Variants in CA9 observed in about 807,000 individuals in gnomAD.
CA9 encodes CA-IX.
In CA9, 43 loss-of-function variants were observed where a neutral mutation model predicts 51.8. That is an observed-to-expected ratio of 0.83 (90% CI 0.65 to 1.07). CA9 has a LOEUF of 1.07. Among genes scored for constraint, CA9 ranks in the 50% least tolerant of loss-of-function variants. The pLI, the probability that CA9 is intolerant of heterozygous loss-of-function variation, is 0.00. For missense variants in CA9, 574 were observed against 581.4 expected, an observed-to-expected ratio of 0.99 and a Z score of 0.13; for synonymous variants, 253 against 244.2, an observed-to-expected ratio of 1.04 and a Z score of -0.34.
intron 7 of CA9, 47 bp downstream of exon 7, chr9:35,679,389 A>G (rs753749147): frequency 3.2e-6 from 5 of 1,573,742 alleles, no homozygotes; most frequent in Non-Finnish European, 4.3e-6. Context: ...GGGAAAGAGG[A>G]TGTAAGATGA....
chr9:35,680,605 C>A, intron 9 of CA9, 148 bp from the exon 10 acceptor site: 1 of 656,774 alleles, frequency 1.5e-6, no homozygotes, highest in Admixed American at 2.6e-5. Flanking sequence ...CCACCCTCAT[C>A]CCTTGGCTGG....
intron 4 of CA9, 23 bp from the exon 5 acceptor site, chr9:35,676,274 T>C: frequency 6.2e-7 from 1 of 1,613,994 alleles, no homozygotes; most frequent in Non-Finnish European, 8.5e-7. Flanking sequence ...CGTGGCCCTC[T>C]CCTACCCTCG....
intron 6 of CA9, 55 bp downstream of exon 6, chr9:35,677,911 C>T: frequency 6.7e-7 from 1 of 1,487,776 alleles, no homozygotes; most frequent in Non-Finnish European, 9.4e-7. Flanking sequence ...AAAGAATCAC[C>T]CTTTGGAGCT....
intron 6 of CA9, among the ~76,000 whole-genome samples, chr9:35,678,610 T>C (rs142252480): frequency 6.6e-6 from 1 of 152,190 alleles, no homozygotes; most frequent in East Asian, 1.9e-4. Context: ...TAGGTAGAAC[T>C]CTGCCTTTGC....
At chr9:35,677,010 G>GC (rs1236060117) in intron 5 of CA9, among the ~76,000 whole-genome samples, 2 of 152,082 alleles carry the variant, frequency 1.3e-5, no homozygotes, top group African/African-American at 4.8e-5. Flanking sequence ...GTGCCACCAT[G>GC]CCCAGCTAAT....
At chr9:35,677,877 A>C in intron 6 of CA9, 21 bp downstream of exon 6, 1 of 1,609,202 alleles carries the variant, frequency 6.2e-7, no homozygotes, top group Non-Finnish European at 8.5e-7. Flanking sequence ...TGGTCTGGCC[A>C]CTAATCTCTG....
At position 35,681,003 on chromosome 9, in the gene CA9, A is replaced by AGGTAGCC. The variant is rs1376829997; in HGVS notation, c.1360_1366dup (p.Glu456GlyfsTer15). On this transcript the variant is annotated frameshift_variant, in exon 11 of 11. Transcript: ENST00000378357. LOFTEE classifies it high-confidence loss of function. Reference sequence around the variant, plus strand: ...GGGGGTGTGAGCTACCGCCCAGCAGAGGTAGCCGAGACTGGAGCCTAGAGG... The same window carrying AGGTAGCC: ...GGGGGTGTGAGCTACCGCCCAGCAGAGGTAGCCGGTAGCCGAGACTGGAGCCTAGAGG... 1.2e-5 allele frequency: 19 copies of AGGTAGCC among 1,613,854 alleles called. No homozygotes were observed. Among genetic ancestry groups the AGGTAGCC allele is most frequent in the Non-Finnish European group, 1.5e-5 (18 of 1,179,994 alleles).
chr9:35,680,682 G>A (rs1025198323), intron 9 of CA9, 71 bp from the exon 10 acceptor site: 5 of 1,275,486 alleles, frequency 3.9e-6, no homozygotes, highest in Non-Finnish European at 5.7e-6. Flanking sequence ...GGAGTGCACT[G>A]AGGCAGGTGT....
At chr9:35,676,411 C>T in intron 5 of CA9, 22 bp downstream of exon 5, 1 of 1,574,586 alleles carries the variant, frequency 6.4e-7, no homozygotes, top group Non-Finnish European at 8.7e-7. Context: ...TGGACACCCC[C>T]TACTCCCCGC....
chr9:35,674,484 T>C, intron 1 of CA9, 122 bp downstream of exon 1: 1 of 846,250 alleles, frequency 1.2e-6, no homozygotes, highest in Non-Finnish European at 1.8e-6. Flanking sequence ...CAGAAGCCCT[T>C]CCAGAGGTCC....
Position 35,679,330 on chromosome 9 carries a change from G to C in CA9, c.1053G>C (p.Leu351=). Residue 351 remains leucine (L), a synonymous_variant, in exon 7 of 11, where the codon CTG becomes CTC. Coordinates refer to ENST00000378357, the MANE Select transcript of CA9 (RefSeq NM_001216.3). The part of the protein sequence containing the change: ...IWTVFNQTVM[L]SAKQLHTLSD... ...CTGTGTTTAACCAGACAGTGATGCT[G>C]AGTGCTAAGCAGGTGGGCCTGGGGT... 6.2e-7 allele frequency: 1 copy of C among 1,613,796 alleles called. No homozygotes were observed. Among genetic ancestry groups the C allele is most frequent in the Non-Finnish European group, 8.5e-7 (1 of 1,179,874 alleles).
intron 5 of CA9, among the ~76,000 whole-genome samples, chr9:35,677,531 G>C (rs1002949113): frequency 6.6e-6 from 1 of 151,976 alleles, no homozygotes; most frequent in African/African-American, 2.4e-5. Context: ...TTGAAAACCA[G>C]TCCACCAAGC....
Position 35,674,157 on chromosome 9 carries a change from C to T in CA9, c.198C>T (p.Pro66=). 6.2e-7 allele frequency: 1 copy of T among 1,614,104 alleles called. No individual in the cohort carries two copies. The highest frequency in any genetic ancestry group is 8.5e-7 in the Non-Finnish European group (1 of 1,179,992). Residue 66 remains proline (P), a synonymous_variant, in exon 1 of 11, where the codon CCC becomes CCT. Transcript: ENST00000378357. ...ACCCACTGGGCGAGGAGGATCTGCCCAGTGAAGAGGATTCACCCAGAGAGG... is the reference window on the plus strand; with the variant it reads ...ACCCACTGGGCGAGGAGGATCTGCCTAGTGAAGAGGATTCACCCAGAGAGG... ...EDDPLGEEDL[P]SEEDSPREED... is the part of the protein sequence containing the mutation.
In CA9 at chr9:35,680,993, C is replaced by T. The variant is rs768797184; in HGVS notation, c.1348C>T (p.Arg450Cys). The T allele has an allele frequency of 4.3e-6, 7 of 1,613,866 alleles. No homozygotes were observed. Among genetic ancestry groups the T allele is most frequent in the East Asian group, 2.2e-5 (1 of 44,896 alleles). The change falls in exon 11 of 11, where the codon CGC becomes TGC. Residue 450 changes from arginine (R) to cysteine (C), a missense_variant. Arg to Cys is a radical substitution (Grantham distance 180). Coordinates refer to ENST00000378357, the MANE Select transcript of CA9 (RefSeq NM_001216.3). ...GGGAACCAAAGGGGGTGTGAGCTAC[C>T]GCCCAGCAGAGGTAGCCGAGACTGG... ...RRGTKGGVSYRPAEVAETGA is the reference protein window; with the variant it reads ...RRGTKGGVSYCPAEVAETGA
intron 9 of CA9, 117 bp downstream of exon 9, chr9:35,680,256 C>A: frequency 8.7e-7 from 1 of 1,154,304 alleles, no homozygotes; most frequent in Non-Finnish European, 1.3e-6. Context: ...AGACCCCAAC[C>A]CCAATATTAG....
intron 5 of CA9, 104 bp from the exon 6 acceptor site, chr9:35,677,686 A>G: frequency 1.2e-6 from 1 of 849,382 alleles, no homozygotes; most frequent in Admixed American, 1.9e-5. Context: ...GCATTCTCAG[A>G]GCTGAGGAAT....
At position 35,679,950 on chromosome 9, in the gene CA9, G is replaced by A; in HGVS notation, c.1162G>A (p.Ala388Thr). 6.2e-7 allele frequency: 1 copy of A among 1,614,148 alleles called. No homozygotes were observed. Among genetic ancestry groups the A allele is most frequent in the Non-Finnish European group, 8.5e-7 (1 of 1,180,016 alleles). The change falls in exon 8 of 11, where the codon GCC (alanine) becomes ACC (threonine). Residue 388 changes from alanine (A) to threonine (T), a missense_variant. Physicochemically the swap from Ala to Thr is moderately conservative, Grantham distance 58 (BLOSUM62 0). Coordinates refer to ENST00000378357, the MANE Select transcript of CA9 (RefSeq NM_001216.3). ...TQPLNGRVIE[A>T]SFPAGVDSSP... ...GCCTTTGAATGGGCGAGTGATTGAG[G>A]CCTCCTTCCCTGCTGGAGTGGACAG... is the stretch of plus-strand genomic sequence containing the variant.
At chr9:35,675,467 G>A in intron 1 of CA9, 71 bp from the exon 2 acceptor site, 1 of 1,562,804 alleles carries the variant, frequency 6.4e-7, no homozygotes, top group Non-Finnish European at 8.8e-7. Context: ...CTGCGTTTGT[G>A]ACATCGTTTT....
At position 35,674,779 on chromosome 9, in the gene CA9, T is replaced by G. The variant is rs188911223; in HGVS notation, c.403+417T>G. The G allele has an allele frequency of 6.3e-4, 105 of 167,792 alleles. 2 individuals carry two copies. Among genetic ancestry groups the G allele is most frequent in the African/African-American group, 2.3e-3 (95 of 41,772 alleles). 10.4% of individuals were successfully genotyped at this position (167,792 alleles called of 1,614,324 possible). A position where few individuals can be genotyped will look rare whatever the true frequency, so the allele number is the denominator to read the frequency against. On this transcript the variant is annotated intron_variant, in intron 1 of 10. Transcript: ENST00000378357. ...GCAAGAAGAGCTGGTAGAAGTCATC[T>G]CATCTTAGGCTACAATGAGGAAATT... is the stretch of plus-strand genomic sequence containing the variant.
Sources: gnomAD v4.1 joint callset for allele counts (sites outside exome capture counted in the v4.1 genomes callset) on GRCh38, gnomAD v4.1.1 for gene constraint, MANE v1.5 for transcripts, NCBI Gene and HGNC (gene_info 2026-07-23, HGNC 2026-07-21) for gene names.